Variants in CHLSN observed in about 807,000 individuals in gnomAD.
CHLSN encodes cholesin.
chr7:1,130,599 C>T, the CHLSN span, among the ~76,000 whole-genome samples: 1 of 152,060 alleles, frequency 6.6e-6, no homozygotes, highest in Non-Finnish European at 1.5e-5. Context: ...CCTCCCTACA[C>T]TCCTCCCCAC....
At chr7:1,118,253 C>T in the CHLSN span, among the ~76,000 whole-genome samples, 1 of 152,274 alleles carries the variant, frequency 6.6e-6, no homozygotes, top group East Asian at 1.9e-4. Flanking sequence ...AAGTCCTAGC[C>T]GTTGCTAGAA....
chr7:1,006,675 A>G, the CHLSN span, among the ~76,000 whole-genome samples: 1 of 148,088 alleles, frequency 6.8e-6, no homozygotes, highest in Admixed American at 6.7e-5. Context: ...CAGCGCGGGG[A>G]AAGAGCGCAC....
chr7:1,119,059 C>A, the CHLSN span, among the ~76,000 whole-genome samples: 5 of 151,738 alleles, frequency 3.3e-5, no homozygotes, highest in Non-Finnish European at 5.9e-5. Flanking sequence ...TCGAGACCAT[C>A]CCGGCCAACA....
chr7:985,113 C>G, the CHLSN span: 1 of 1,609,742 alleles, frequency 6.2e-7, no homozygotes, highest in Non-Finnish European at 8.5e-7. Context: ...AGCAGGGGGC[C>G]GGGGACGCCC....
the CHLSN span, among the ~76,000 whole-genome samples, chr7:1,015,333 G>A: frequency 1.3e-5 from 2 of 152,170 alleles, no homozygotes; most frequent in Non-Finnish European, 2.9e-5. Context: ...CATCCCCCAG[G>A]CACCAGCAGG....
At chr7:999,983 G>A in the CHLSN span, among the ~76,000 whole-genome samples, 29 of 152,308 alleles carry the variant, frequency 1.9e-4, 1 homozygote, top group East Asian at 5.2e-3. Context: ...CACACATCAC[G>A]CGCACACACG....
the CHLSN span, among the ~76,000 whole-genome samples, chr7:1,017,297 G>A: frequency 1.3e-5 from 2 of 152,110 alleles, no homozygotes; most frequent in South Asian, 2.1e-4. Context: ...GGGGAGGGAC[G>A]CCACCAGCCC....
chr7:1,120,268 G>A, the CHLSN span, among the ~76,000 whole-genome samples: 1 of 152,138 alleles, frequency 6.6e-6, no homozygotes, highest in Non-Finnish European at 1.5e-5. Context: ...GTGTGTGGAG[G>A]AGCCAGGACC....
the CHLSN span, among the ~76,000 whole-genome samples, chr7:983,664 G>A: frequency 2.6e-5 from 4 of 152,226 alleles, no homozygotes; most frequent in Admixed American, 6.5e-5. Context: ...AGGCGGTGGC[G>A]TCTGCTGAGA....
the CHLSN span, among the ~76,000 whole-genome samples, chr7:1,063,875 T>C: frequency 6.6e-6 from 1 of 152,204 alleles, no homozygotes; most frequent in African/African-American, 2.4e-5. Context: ...TGCTGTTCTC[T>C]TTCCACAGAA....
the CHLSN span, among the ~76,000 whole-genome samples, chr7:1,016,822 G>C: frequency 4.1e-4 from 24 of 57,920 alleles, no homozygotes; most frequent in African/African-American, 1.4e-3. Context: ...CCAGCGCACA[G>C]CAGCGCACAG....
the CHLSN span, among the ~76,000 whole-genome samples, chr7:1,098,382 A>G: frequency 6.4e-4 from 97 of 152,372 alleles, no homozygotes; most frequent in Admixed American, 5.0e-3. Context: ...CCAGATGTCC[A>G]TAAGCCAATA....
chr7:1,075,737 C>T, the CHLSN span, among the ~76,000 whole-genome samples: 82 of 151,126 alleles, frequency 5.4e-4, no homozygotes, highest in South Asian at 1.3e-3. Flanking sequence ...CTCAGCCTCC[C>T]GAGTAGCTGG....
At chr7:1,090,949 G>C in the CHLSN span, among the ~76,000 whole-genome samples, 1 of 150,476 alleles carries the variant, frequency 6.6e-6, no homozygotes, top group Admixed American at 6.6e-5. Context: ...ATTCTGCTCT[G>C]ATGTCCAGCT....
chr7:1,029,295 T>G, the CHLSN span, among the ~76,000 whole-genome samples: 2 of 152,164 alleles, frequency 1.3e-5, no homozygotes, highest in Non-Finnish European at 2.9e-5. Context: ...GTCCAGCTAA[T>G]TTTTAAATTT....
At chr7:1,136,436 A>G in the CHLSN span, among the ~76,000 whole-genome samples, 8 of 105,384 alleles carry the variant, frequency 7.6e-5, no homozygotes, top group African/African-American at 1.5e-4. Context: ...ATATAAACAT[A>G]TATATAAATA....
At chr7:1,063,555 C>T in the CHLSN span, among the ~76,000 whole-genome samples, 1 of 152,220 alleles carries the variant, frequency 6.6e-6, no homozygotes, top group African/African-American at 2.4e-5. Context: ...GCTGTTCTGC[C>T]GTGTCTCCCA....
chr7:1,038,336 C>A, the CHLSN span, among the ~76,000 whole-genome samples: 22 of 98,694 alleles, frequency 2.2e-4, no homozygotes, highest in African/African-American at 8.4e-4. Flanking sequence ...GCCAGCCACC[C>A]CGTCCGGGAG....
At chr7:1,018,305 G>A in the CHLSN span, among the ~76,000 whole-genome samples, 44 of 152,276 alleles carry the variant, frequency 2.9e-4, no homozygotes, top group African/African-American at 9.6e-4. Context: ...ACTAACGAAA[G>A]CACGTCTTTC....
Sources: gnomAD v4.1 joint callset for allele counts (sites outside exome capture counted in the v4.1 genomes callset) on GRCh38, gnomAD v4.1.1 for gene constraint, MANE v1.5 for transcripts, NCBI Gene and HGNC (gene_info 2026-07-23, HGNC 2026-07-21) for gene names.